The following RIT2 variants were observed in gnomAD, a reference collection of about 807,000 sequenced individuals.
The protein encoded by RIT2 is GTP-binding protein Rit2.
Under a neutral mutation model 23.7 loss-of-function variants are expected in RIT2, and 24 were observed. The observed-to-expected ratio is 1.01, with a 90% CI of 0.73 to 1.43. The LOEUF (loss-of-function observed/expected upper bound fraction) is 1.43. Among genes scored for constraint, RIT2 ranks in the 40% most tolerant of loss-of-function variants. RIT2 has a pLI of 0.00. For synonymous variants in RIT2, 107 were observed against 91.1 expected (o/e 1.17, Z -0.99); for missense variants, 236 against 266.9 (o/e 0.88, Z 0.81).
intron 4 of RIT2, among the ~76,000 whole-genome samples, chr18:42,863,005 T>C (rs1254076414): frequency 6.6e-6 from 1 of 151,570 alleles, no homozygotes. Flanking sequence ...TTCCCACAGA[T>C]AGCAATTTGG....
intron 2 of RIT2, among the ~76,000 whole-genome samples, chr18:42,998,463 A>G (rs1242099360): frequency 6.6e-6 from 1 of 152,074 alleles, no homozygotes; most frequent in East Asian, 1.9e-4. Context: ...TTTTTAGCCC[A>G]TAAGCTAGGT....
chr18:42,824,803 AAAAC>A (rs1906250045), intron 4 of RIT2, among the ~76,000 whole-genome samples: 1 of 151,482 alleles, frequency 6.6e-6, no homozygotes, highest in African/African-American at 2.4e-5. Context: ...ATGAGAGAAA[AAAAC>A]TAAGGAGAAA....
chr18:42,932,262 G>T (rs933562847), intron 3 of RIT2, among the ~76,000 whole-genome samples: 1 of 152,058 alleles, frequency 6.6e-6, no homozygotes, highest in African/African-American at 2.4e-5. Flanking sequence ...TCATCCTCCA[G>T]CTTAGTTACA....
At chr18:42,755,158 A>G (rs1383827293) in intron 4 of RIT2, among the ~76,000 whole-genome samples, 1 of 152,164 alleles carries the variant, frequency 6.6e-6, no homozygotes, top group African/African-American at 2.4e-5. Context: ...CACTGTCTGA[A>G]AAAAAGACAG....
chr18:42,923,509 A>G (rs759788879), intron 4 of RIT2, 63 bp downstream of exon 4: 8 of 1,339,844 alleles, frequency 6.0e-6, no homozygotes, highest in Non-Finnish European at 8.3e-6. Context: ...GAAAGCAGCC[A>G]TATTTTGTAC....
At chr18:43,115,320 C>T in intron 1 of RIT2, 97 bp downstream of exon 1, 5 of 1,472,210 alleles carry the variant, frequency 3.4e-6, no homozygotes, top group Admixed American at 2.0e-5. Context: ...TGCCACAGTT[C>T]ACCTCTAACA....
intron 2 of RIT2, among the ~76,000 whole-genome samples, chr18:43,024,186 G>C (rs553724266): frequency 6.6e-6 from 1 of 151,896 alleles, no homozygotes; most frequent in African/African-American, 2.4e-5. Context: ...GTTTTAAAAA[G>C]ATCTTTCTGG....
At chr18:42,900,048 T>C (rs1025260719) in intron 4 of RIT2, among the ~76,000 whole-genome samples, 4 of 151,816 alleles carry the variant, frequency 2.6e-5, no homozygotes, top group African/African-American at 9.7e-5. Context: ...CACCAGAAAC[T>C]AATTAATTAT....
At chr18:42,761,638 T>G (rs904047354) in intron 4 of RIT2, among the ~76,000 whole-genome samples, 3 of 152,192 alleles carry the variant, frequency 2.0e-5, no homozygotes, top group Non-Finnish European at 4.4e-5. Flanking sequence ...TCTCATAATA[T>G]GTGAGTATCA....
At chr18:42,874,055 G>A (rs1469503771) in intron 4 of RIT2, among the ~76,000 whole-genome samples, 1 of 152,110 alleles carries the variant, frequency 6.6e-6, no homozygotes, top group Admixed American at 6.6e-5. Context: ...ACTGAGAGAT[G>A]GAAGGGAGCA....
At chr18:42,986,217 T>A (rs577614259) in intron 2 of RIT2, among the ~76,000 whole-genome samples, 244 of 151,932 alleles carry the variant, frequency 1.6e-3, no homozygotes, top group African/African-American at 5.4e-3. Flanking sequence ...TTTTTGTAAT[T>A]TTTAGTAGAG....
intron 3 of RIT2, among the ~76,000 whole-genome samples, chr18:42,926,986 A>G (rs557691358): frequency 1.3e-5 from 2 of 152,012 alleles, no homozygotes; most frequent in South Asian, 2.1e-4. Flanking sequence ...ATGGATTAGG[A>G]CACACACTTA....
intron 1 of RIT2, among the ~76,000 whole-genome samples, chr18:43,102,028 G>A (rs940313832): frequency 3.3e-5 from 5 of 152,108 alleles, no homozygotes; most frequent in East Asian, 1.9e-4. Flanking sequence ...TTCTAATAAC[G>A]GCAACAACTT....
In RIT2 at chr18:42,828,003, CAAAAAA is replaced by C. The variant is rs200737336; in HGVS notation, c.427-84289_427-84284del. ...TGGGCAACAGAGCAAGACTCCGTCTCAAAAAAAAAAAAAAAAAAAAAAAAGAAAAAT... is the reference window on the plus strand; with the variant it reads ...TGGGCAACAGAGCAAGACTCCGTCTCAAAAAAAAAAAAAAAAAAGAAAAAT... On this transcript the variant is annotated intron_variant, in intron 4 of 4. Coordinates refer to ENST00000326695, the MANE Select transcript of RIT2 (RefSeq NM_002930.4). Among the ~76,000 whole-genome samples the C allele has an allele frequency of 4.5e-3, 235 of 51,754 alleles. 2 individuals are homozygous for C. Among genetic ancestry groups the C allele is most frequent in the African/African-American group, 0.016 (225 of 14,014 alleles). The allele number at this position is 51,754 out of a possible 152,430, so 34.0% of individuals were successfully genotyped here.
At chr18:42,877,155 A>C (rs1907764298) in intron 4 of RIT2, among the ~76,000 whole-genome samples, 1 of 151,994 alleles carries the variant, frequency 6.6e-6, no homozygotes, top group Non-Finnish European at 1.5e-5. Flanking sequence ...GAAAACTACC[A>C]AATTATTAAA....
chr18:43,051,976 C>T (rs1912394013), intron 1 of RIT2, among the ~76,000 whole-genome samples: 1 of 152,180 alleles, frequency 6.6e-6, no homozygotes, highest in East Asian at 1.9e-4. Context: ...CAAGCCTGTA[C>T]ATATCCTGTA....
intron 1 of RIT2, among the ~76,000 whole-genome samples, chr18:43,083,413 T>A (rs1384629678): frequency 6.6e-6 from 1 of 151,950 alleles, no homozygotes; most frequent in African/African-American, 2.4e-5. Flanking sequence ...AAAGAGCCCA[T>A]ATATCCAAGA....
chr18:42,972,453 C>T (rs536600557), intron 3 of RIT2, among the ~76,000 whole-genome samples: 32 of 151,308 alleles, frequency 2.1e-4, no homozygotes, highest in African/African-American at 6.1e-4. Flanking sequence ...AGTAACATAG[C>T]GATGAGAAAA....
rs1268135563 is a variant in RIT2, at chr18:43,079,418, G to T, written c.103+35999C>A. Among the ~76,000 whole-genome samples, 6 of 152,126 alleles carry T rather than the reference G, an allele frequency of 3.9e-5. 1 individual carries two copies. In the South Asian group the frequency reaches 1.2e-3, roughly 32 times the overall value. On this transcript the variant is annotated intron_variant, in intron 1 of 4. Coordinates refer to ENST00000326695, the MANE Select transcript of RIT2 (RefSeq NM_002930.4). Reference sequence around the variant, plus strand: ...CCGCTATAAACATTTTTGTGGCCAGGTGACTGGAAATCAAGCAAACATATT... The same window carrying T: ...CCGCTATAAACATTTTTGTGGCCAGTTGACTGGAAATCAAGCAAACATATT...
Sources: gnomAD v4.1 joint callset for allele counts (sites outside exome capture counted in the v4.1 genomes callset) on GRCh38, gnomAD v4.1.1 for gene constraint, MANE v1.5 for transcripts, NCBI Gene and HGNC (gene_info 2026-07-23, HGNC 2026-07-21) for gene names.